The following SLC25A26 variants were observed in gnomAD, a reference collection of about 807,000 sequenced individuals.
SLC25A26 encodes solute carrier family 25 member 26.
In SLC25A26, 36 loss-of-function variants were observed where a neutral mutation model predicts 37.8. That is an observed-to-expected ratio of 0.95 (90% confidence interval 0.73 to 1.26). The LOEUF is 1.26. Ranked by LOEUF, SLC25A26 falls within the 50% of genes most tolerant of loss-of-function variation. The pLI is 0.00. For missense variants in SLC25A26, 390 were observed against 331.1 expected, an observed-to-expected ratio of 1.18 and a Z score of -1.38; for synonymous variants, 129 against 122.5, an observed-to-expected ratio of 1.05 and a Z score of -0.35.
At chr3:66,234,587 A>G (rs1243568863) in intron 1 of SLC25A26, among the ~76,000 whole-genome samples, 2 of 152,222 alleles carry the variant, frequency 1.3e-5, no homozygotes, top group African/African-American at 4.8e-5. Flanking sequence ...AGTGTAAATT[A>G]ATTTTTAATA....
At position 66,243,208 on chromosome 3, in the gene SLC25A26, G is replaced by A; in HGVS notation, c.196G>A (p.Ala66Thr). The A allele has an allele frequency of 6.3e-7, 1 of 1,575,026 alleles. No individual in the cohort carries two copies. The change falls in exon 3 of 10, where the codon GCA becomes ACA. Residue 66 changes from alanine to threonine, a missense_variant. Ala to Thr is a moderately conservative substitution (Grantham distance 58). Coordinates refer to ENST00000354883, the MANE Select transcript of SLC25A26 (RefSeq NM_001379210.1). ...TGGCTTGTTTTAAATTTCAGCTGCT[G>A]CATTTTTTATCACCTATGAATATGT... ...AAIGSFPNAAAFFITYEYVKW... is the reference protein window; with the variant it reads ...AAIGSFPNAATFFITYEYVKW...
intron 1 of SLC25A26, among the ~76,000 whole-genome samples, chr3:66,144,896 A>G (rs1215843457): frequency 6.6e-6 from 1 of 152,224 alleles, no homozygotes; most frequent in African/African-American, 2.4e-5. Flanking sequence ...AGAACTGCAT[A>G]GGTGAAAGAG....
chr3:66,286,277 G>C (rs2074509762), intron 5 of SLC25A26, among the ~76,000 whole-genome samples: 1 of 152,092 alleles, frequency 6.6e-6, no homozygotes, highest in South Asian at 2.1e-4. Context: ...CTAACTCTAA[G>C]TCATTAAGGT....
chr3:66,275,787 C>T (rs1265421133), intron 5 of SLC25A26, among the ~76,000 whole-genome samples: 1 of 152,044 alleles, frequency 6.6e-6, no homozygotes, highest in Non-Finnish European at 1.5e-5. Context: ...TACAGTTACT[C>T]CTGTAACTAT....
Position 66,353,878 on chromosome 3 carries a change from C to T in SLC25A26, c.498+7470C>T, listed in dbSNP as rs184831131. 9.8e-5 allele frequency among the ~76,000 whole-genome samples: 15 copies of T among 152,342 alleles called. No homozygotes were observed. In the East Asian group the frequency reaches 2.9e-3, roughly 29 times the overall value. ...GGACGGTGCTTACTGGAGGAAGAAA[C>T]TATGTCTTCTGTTTATTCTTTATGG... On this transcript the variant is annotated intron_variant, in intron 6 of 9. Coordinates refer to ENST00000354883, the MANE Select transcript of SLC25A26 (RefSeq NM_001379210.1).
intron 1 of SLC25A26, among the ~76,000 whole-genome samples, chr3:66,171,586 C>T (rs530302399): frequency 1.3e-5 from 2 of 152,076 alleles, no homozygotes; most frequent in South Asian, 2.1e-4. Flanking sequence ...GCCTCTCAGG[C>T]TTAAGTATTT....
chr3:66,298,238 C>CTT (rs2074968027), intron 5 of SLC25A26, among the ~76,000 whole-genome samples: 1 of 152,094 alleles, frequency 6.6e-6, no homozygotes, highest in Admixed American at 6.6e-5. Context: ...AAAAGAAGAG[C>CTT]TTAAATACCA....
chr3:66,362,740 G>T lies in SLC25A26; in HGVS notation c.499-120G>T, dbSNP rs1175160004. On this transcript the variant is annotated intron_variant, in intron 6 of 9. Transcript: ENST00000354883. ...TTTGGGAAAGTCACTTATGTCATCAGTAAAGAATGCCACCAAAATAGCTTC... is the reference window on the plus strand; with the variant it reads ...TTTGGGAAAGTCACTTATGTCATCATTAAAGAATGCCACCAAAATAGCTTC... The T allele has an allele frequency of 5.2e-6, 3 of 582,350 alleles. No individual in the cohort carries two copies. In the African/African-American group the frequency reaches 5.8e-5, roughly 11 times the overall value. 36.1% of individuals were successfully genotyped at this position (582,350 alleles called of 1,614,324 possible).
chr3:66,311,732 T>C (rs901391101), intron 5 of SLC25A26, among the ~76,000 whole-genome samples: 3 of 152,156 alleles, frequency 2.0e-5, no homozygotes, highest in African/African-American at 7.2e-5. Context: ...TAGTTTTCCT[T>C]CTAACAGTCA....
intron 1 of SLC25A26, among the ~76,000 whole-genome samples, chr3:66,204,976 A>G (rs1367750364): frequency 1.3e-5 from 2 of 152,160 alleles, no homozygotes; most frequent in African/African-American, 2.4e-5. Context: ...GGAAACGTGA[A>G]TCTCGGAAAA....
intron 3 of SLC25A26, among the ~76,000 whole-genome samples, chr3:66,247,972 T>C (rs1297483158): frequency 1.3e-5 from 2 of 152,232 alleles, no homozygotes; most frequent in African/African-American, 2.4e-5. Flanking sequence ...CAGAAAGGTA[T>C]AGTAACCTAG....
intron 1 of SLC25A26, among the ~76,000 whole-genome samples, chr3:66,183,187 T>C (rs1454272176): frequency 6.6e-6 from 1 of 151,824 alleles, no homozygotes; most frequent in East Asian, 1.9e-4. Flanking sequence ...CCTAATCCTT[T>C]CGCTGACCCT....
chr3:66,333,742 T>G (rs951011379), intron 5 of SLC25A26, among the ~76,000 whole-genome samples: 6 of 152,206 alleles, frequency 3.9e-5, no homozygotes, highest in African/African-American at 1.4e-4. Context: ...CAGATCTCTG[T>G]GGGCCAGGCT....
At chr3:66,245,987 C>G (rs111519652) in intron 3 of SLC25A26, among the ~76,000 whole-genome samples, 26 of 152,326 alleles carry the variant, frequency 1.7e-4, no homozygotes, top group African/African-American at 6.0e-4. Context: ...ACCCTCCCCA[C>G]TCCTAGGCAA....
intron 6 of SLC25A26, among the ~76,000 whole-genome samples, chr3:66,359,797 A>G (rs147097432): frequency 2.8e-4 from 43 of 152,376 alleles, no homozygotes; most frequent in African/African-American, 8.9e-4. Context: ...GCATTTTCTG[A>G]AAATATACCA....
intron 5 of SLC25A26, among the ~76,000 whole-genome samples, chr3:66,311,906 C>T (rs1245701227): frequency 6.6e-6 from 1 of 152,108 alleles, no homozygotes; most frequent in African/African-American, 2.4e-5. Flanking sequence ...AGCTGGAGCT[C>T]TTTTTTATGA....
intron 1 of SLC25A26, among the ~76,000 whole-genome samples, chr3:66,197,238 C>A (rs1406987326): frequency 6.6e-6 from 1 of 151,978 alleles, no homozygotes. Flanking sequence ...GTGTACCTGA[C>A]CTTACACAAT....
chr3:66,134,299 A>T (rs1271016125), intron 1 of SLC25A26, among the ~76,000 whole-genome samples: 1 of 152,248 alleles, frequency 6.6e-6, no homozygotes, highest in Admixed American at 6.5e-5. Context: ...ATTACTGAAC[A>T]TAAAAGTTGA....
At chr3:66,270,412 T>C (rs2073918135) in intron 5 of SLC25A26, among the ~76,000 whole-genome samples, 1 of 152,226 alleles carries the variant, frequency 6.6e-6, no homozygotes, top group African/African-American at 2.4e-5. Flanking sequence ...ATTCATTTTA[T>C]TAACTATGAC....
Sources: gnomAD v4.1 joint callset for allele counts (sites outside exome capture counted in the v4.1 genomes callset) on GRCh38, gnomAD v4.1.1 for gene constraint, MANE v1.5 for transcripts, NCBI Gene and HGNC (gene_info 2026-07-23, HGNC 2026-07-21) for gene names.